PARN: variants seen among roughly 807,000 people sequenced by gnomAD.
PARN encodes poly(A)-specific ribonuclease PARN.
Under a neutral mutation model 102.8 loss-of-function variants are expected in PARN, and 71 were observed. That is an observed-to-expected ratio of 0.69 (90% CI 0.57 to 0.84). The LOEUF (loss-of-function observed/expected upper bound fraction) is 0.84. Among genes scored for constraint, PARN ranks in the 40% least tolerant of loss-of-function variants. The probability of loss-of-function intolerance (pLI) is 0.00; values close to 1 mark genes in which losing one functional copy is unlikely to be tolerated. For synonymous variants in PARN, 261 were observed against 252.9 expected (o/e 1.03, Z -0.30); for missense variants, 782 against 760.9 (o/e 1.03, Z -0.33).
chr16:14,582,834 GTTA>G (rs1969613788), intron 16 of PARN, among the ~76,000 whole-genome samples: 1 of 151,996 alleles, frequency 6.6e-6, no homozygotes, highest in Non-Finnish European at 1.5e-5. Context: ...TCTTCAAAAG[GTTA>G]TTGTTAGGAT....
chr16:14,606,094 A>G (rs1971161969), intron 10 of PARN, among the ~76,000 whole-genome samples: 1 of 152,146 alleles, frequency 6.6e-6, no homozygotes, highest in Non-Finnish European at 1.5e-5. Flanking sequence ...GACAAGATAC[A>G]AATTCTGACT....
intron 18 of PARN, among the ~76,000 whole-genome samples, chr16:14,580,400 A>G (rs929848901): frequency 1.5e-4 from 23 of 151,508 alleles, no homozygotes; most frequent in Non-Finnish European, 3.1e-4. Context: ...CAATTCTCCC[A>G]CTACAGCCTC....
At chr16:14,554,865 T>C (rs968151738) in intron 19 of PARN, among the ~76,000 whole-genome samples, 2 of 152,064 alleles carry the variant, frequency 1.3e-5, no homozygotes, top group Admixed American at 6.6e-5. Context: ...CCAAATTAAA[T>C]GGACTAATTG....
chr16:14,599,977 A>G lies in PARN; in HGVS notation c.784-17T>C. 1 of 1,405,006 alleles carries G rather than the reference A, an allele frequency of 7.1e-7. No homozygotes were observed. Among genetic ancestry groups the G allele is most frequent in the Non-Finnish European group, 9.9e-7 (1 of 1,009,362 alleles). 87.0% of individuals were successfully genotyped at this position (1,405,006 alleles called of 1,614,324 possible). A position where few individuals can be genotyped will look rare whatever the true frequency, so the allele number is the denominator to read the frequency against. ...CAGCTCCTCCTAATTAAAAAAATAT[A>G]TACATATGTATTATTGATGTATAAA... On this transcript the variant is annotated splice_polypyrimidine_tract_variant and intron_variant, in intron 11 of 23. Transcript: ENST00000437198.
chr16:14,593,523 A>AG (rs1970327114), intron 12 of PARN, 145 bp from the exon 13 acceptor site: 1 of 449,638 alleles, frequency 2.2e-6, no homozygotes, highest in African/African-American at 2.1e-5. Flanking sequence ...AAAAAAAAAA[A>AG]GTACAAATAA....
At chr16:14,626,575 ATCTG>A (rs1325275218) in intron 5 of PARN, among the ~76,000 whole-genome samples, 1 of 151,946 alleles carries the variant, frequency 6.6e-6, no homozygotes, top group African/African-American at 2.4e-5. Flanking sequence ...ATGTTCTCAT[ATCTG>A]TCTGTCTGTC....
At chr16:14,550,571 T>C (rs1049369930) in intron 21 of PARN, among the ~76,000 whole-genome samples, 1 of 152,142 alleles carries the variant, frequency 6.6e-6, no homozygotes, top group Non-Finnish European at 1.5e-5. Flanking sequence ...CCTAAGCTTT[T>C]CCCCTCTACA....
At chr16:14,588,893 G>C (rs1295116187) in intron 13 of PARN, among the ~76,000 whole-genome samples, 1 of 148,528 alleles carries the variant, frequency 6.7e-6, no homozygotes, top group African/African-American at 2.5e-5. Context: ...AAAAACAAAT[G>C]AACAGGCTGG....
intron 3 of PARN, 49 bp from the exon 4 acceptor site, chr16:14,627,385 T>C (rs769013530): frequency 4.5e-6 from 6 of 1,330,212 alleles, no homozygotes; most frequent in South Asian, 2.5e-5. Context: ...GCATATTCCA[T>C]GTGAGCATAG....
intron 22 of PARN, among the ~76,000 whole-genome samples, chr16:14,460,297 A>G (rs886963193): frequency 2.0e-5 from 3 of 152,234 alleles, no homozygotes; most frequent in Non-Finnish European, 4.4e-5. Flanking sequence ...AAAGCTTCCA[A>G]CATGACAGAC....
intron 22 of PARN, among the ~76,000 whole-genome samples, chr16:14,460,548 T>G (rs1159288205): frequency 6.6e-6 from 1 of 152,212 alleles, no homozygotes; most frequent in Non-Finnish European, 1.5e-5. Flanking sequence ...TACACTCACC[T>G]TGAAATCAAA....
At chr16:14,588,152 C>A (rs900114210) in intron 13 of PARN, among the ~76,000 whole-genome samples, 3 of 152,108 alleles carry the variant, frequency 2.0e-5, no homozygotes, top group Admixed American at 2.0e-4. Context: ...AAAAGCTGCA[C>A]CGCGGAAAGT....
In PARN at chr16:14,436,693, C is replaced by A. The variant is rs767936710; in HGVS notation, c.*24G>T. On this transcript the variant is annotated 3_prime_UTR_variant, in exon 24 of 24. Transcript: ENST00000437198. ...CTCTTGCTCACAGCGACAGCACCAG[C>A]GGTTTGCTGCCCTCAGGTCTTGGTT... 1.3e-5 allele frequency: 21 copies of A among 1,569,476 alleles called. No individual in the cohort carries two copies. The highest frequency in any genetic ancestry group is 1.8e-5 in the Admixed American group (1 of 56,096).
chr16:14,543,078 G>C (rs1413211563), intron 21 of PARN, among the ~76,000 whole-genome samples: 19 of 152,132 alleles, frequency 1.2e-4, no homozygotes, highest in Admixed American at 8.5e-4. Flanking sequence ...AAAATAACCA[G>C]AGAAAATTAA....
At chr16:14,523,345 C>T (rs539956293) in intron 21 of PARN, among the ~76,000 whole-genome samples, 2 of 151,974 alleles carry the variant, frequency 1.3e-5, no homozygotes, top group East Asian at 1.9e-4. Context: ...AAGATTGGGA[C>T]GTTTCTGACA....
chr16:14,512,498 GA>G (rs1312463042), intron 21 of PARN, among the ~76,000 whole-genome samples: 1 of 151,964 alleles, frequency 6.6e-6, no homozygotes, highest in Non-Finnish European at 1.5e-5. Flanking sequence ...CTCAAAAAAA[GA>G]AAAAAATCAT....
At chr16:14,589,626 G>C (rs951861862) in intron 13 of PARN, among the ~76,000 whole-genome samples, 2 of 151,736 alleles carry the variant, frequency 1.3e-5, no homozygotes. Flanking sequence ...AACACTTTGG[G>C]AGGCCCAGGC....
At chr16:14,526,342 A>C (rs550335187) in intron 21 of PARN, among the ~76,000 whole-genome samples, 1 of 151,160 alleles carries the variant, frequency 6.6e-6, no homozygotes, top group Admixed American at 6.6e-5. Flanking sequence ...ACGCCTGGCT[A>C]ATTTTTTTGT....
intron 18 of PARN, among the ~76,000 whole-genome samples, chr16:14,578,107 TC>T (rs1969261684): frequency 6.7e-6 from 1 of 150,252 alleles, no homozygotes; most frequent in South Asian, 2.1e-4. Context: ...GGCAGGTGGA[TC>T]ACCTGAGGTC....
Sources: allele counts gnomAD v4.1 joint callset (sites outside exome capture counted in the v4.1 genomes callset), GRCh38; gene constraint gnomAD v4.1.1; transcripts MANE v1.5; gene names NCBI Gene and HGNC (gene_info 2026-07-23, HGNC 2026-07-21).